Variants in ATG10 observed in about 807,000 individuals in gnomAD.
ATG10 encodes ubiquitin-like-conjugating enzyme ATG10.
ATG10 carries 30 observed loss-of-function variants against 32.1 expected under a neutral mutation model. The observed-to-expected ratio is 0.94, with a 90% confidence interval of 0.70 to 1.27. The LOEUF is 1.27. Ranked by LOEUF, ATG10 falls within the 50% of genes most tolerant of loss-of-function variation. The probability of loss-of-function intolerance (pLI) is 0.00; values close to 1 mark genes in which losing one functional copy is unlikely to be tolerated. For synonymous variants in ATG10, 87 were observed against 91.5 expected (o/e 0.95, Z 0.28); for missense variants, 233 against 262.3 (o/e 0.89, Z 0.77).
chr5:82,048,474 G>A (rs1199946502), intron 2 of ATG10, among the ~76,000 whole-genome samples: 1 of 152,042 alleles, frequency 6.6e-6, no homozygotes, highest in African/African-American at 2.4e-5. Flanking sequence ...TTACCATTCA[G>A]GACATAGGCA....
chr5:82,006,346 C>A (rs550560852), intron 2 of ATG10, among the ~76,000 whole-genome samples: 2 of 152,194 alleles, frequency 1.3e-5, no homozygotes, highest in East Asian at 3.9e-4. Context: ...TGAAACATTT[C>A]AAGCATACAA....
rs565491063 is a variant in ATG10, at chr5:82,085,994, T to G, written c.216+27392T>G. Among the ~76,000 whole-genome samples the G allele has an allele frequency of 2.0e-5, 3 of 152,224 alleles. No individual in the cohort carries two copies. In the South Asian group the frequency reaches 6.2e-4, roughly 32 times the overall value. On this transcript the variant is annotated intron_variant, in intron 3 of 7. Transcript: ENST00000282185. The stretch of plus-strand genomic sequence containing the variant: ...ATAATATTGAATTAAAACAAGAACT[T>G]AAGAATTTTAAATAAACATGTCAGT...
intron 5 of ATG10, among the ~76,000 whole-genome samples, chr5:82,202,749 AAAAC>A (rs1443847491): frequency 6.7e-6 from 1 of 149,194 alleles, no homozygotes; most frequent in African/African-American, 2.6e-5. Flanking sequence ...AAAAGAAAGA[AAAAC>A]AAACAAACAA....
chr5:82,249,845 G>C (rs1222547612), intron 5 of ATG10, among the ~76,000 whole-genome samples: 3 of 152,176 alleles, frequency 2.0e-5, no homozygotes, highest in African/African-American at 7.2e-5. Flanking sequence ...ATGGTCCTAA[G>C]ACTCCTCTAA....
chr5:82,124,162 C>A (rs1216678510), intron 3 of ATG10, among the ~76,000 whole-genome samples: 1 of 150,350 alleles, frequency 6.7e-6, no homozygotes, highest in Non-Finnish European at 1.5e-5. Context: ...TGCCACCACG[C>A]CCGGCTAATT....
rs183948645 is a variant in ATG10, at chr5:82,114,574, G to T, written c.217-49825G>T. Among the ~76,000 whole-genome samples the T allele has an allele frequency of 3.3e-5, 5 of 152,122 alleles. No homozygotes were observed. In the East Asian group the frequency reaches 7.7e-4, roughly 24 times the overall value. ...GGGAACCTAAATAAAATTATTTCAA[G>T]ATTAAAATGAGTTACAAATGAACTT... is the stretch of plus-strand genomic sequence containing the variant. On this transcript the variant is annotated intron_variant, in intron 3 of 7. Transcript: ENST00000282185.
At chr5:81,993,360 C>CTTTTCTTTTCTTTTCTT in intron 2 of ATG10, among the ~76,000 whole-genome samples, 5 of 46,798 alleles carry the variant, frequency 1.1e-4, no homozygotes, top group East Asian at 6.4e-4. Context: ...TCTTTCTTTC[C>CTTTTCTTTTCTTTTCTT]TTCTTTTCTT....
At chr5:82,100,776 T>G (rs1581690485) in intron 3 of ATG10, among the ~76,000 whole-genome samples, 1 of 85,486 alleles carries the variant, frequency 1.2e-5, no homozygotes, top group East Asian at 3.0e-4. Flanking sequence ...GAACTAGTTT[T>G]TTTTTTTTTT....
intron 5 of ATG10, among the ~76,000 whole-genome samples, chr5:82,188,060 T>C (rs1233404310): frequency 1.3e-5 from 2 of 152,372 alleles, no homozygotes; most frequent in African/African-American, 2.4e-5. Context: ...TTAATCTAAA[T>C]AAAATGGGAG....
At chr5:82,219,513 T>C (rs1194770151) in intron 5 of ATG10, among the ~76,000 whole-genome samples, 1 of 152,210 alleles carries the variant, frequency 6.6e-6, no homozygotes, top group East Asian at 1.9e-4. Context: ...AGTCCTCTCA[T>C]ATTAGCCTTG....
At chr5:82,223,834 G>A (rs905459716) in intron 5 of ATG10, among the ~76,000 whole-genome samples, 2 of 152,048 alleles carry the variant, frequency 1.3e-5, no homozygotes. Flanking sequence ...ATTTGAGAAT[G>A]AGAGAGAGAG....
intron 2 of ATG10, chr5:82,009,888 C>T (rs1762081941): frequency 1.9e-6 from 3 of 1,609,990 alleles, no homozygotes; most frequent in South Asian, 1.1e-5. Flanking sequence ...GCCATTATGG[C>T]GTGTGAAGTC....
intron 5 of ATG10, 101 bp downstream of exon 5, chr5:82,178,688 CT>C (rs1358859900): frequency 1.5e-5 from 12 of 790,780 alleles, no homozygotes; most frequent in Non-Finnish European, 2.2e-6. Context: ...CCCTATTTCA[CT>C]TGTCTATATC....
intron 3 of ATG10, among the ~76,000 whole-genome samples, chr5:82,066,926 A>G (rs1763960534): frequency 1.3e-5 from 2 of 152,182 alleles, no homozygotes; most frequent in Admixed American, 1.3e-4. Flanking sequence ...GTAAATGATG[A>G]CTAAGAAGCA....
intron 3 of ATG10, 51 bp from the exon 4 acceptor site, chr5:82,164,348 T>C: frequency 6.4e-7 from 1 of 1,555,992 alleles, no homozygotes; most frequent in South Asian, 1.1e-5. Flanking sequence ...TCCATGTTAG[T>C]ACTTTTCTTA....
chr5:81,977,974 C>T (rs1424356620), intron 1 of ATG10, among the ~76,000 whole-genome samples: 2 of 152,076 alleles, frequency 1.3e-5, no homozygotes, highest in Non-Finnish European at 2.9e-5. Flanking sequence ...TTTTTATTTT[C>T]CAAAATAAAA....
intron 1 of ATG10, 129 bp from the exon 2 acceptor site, chr5:81,987,430 C>G (rs1416958113): frequency 1.6e-6 from 1 of 644,180 alleles, no homozygotes; most frequent in African/African-American, 1.8e-5. Context: ...TGGCCAAAAC[C>G]ATTTTTTAGT....
chr5:82,010,315 A>T (rs1426201926), intron 2 of ATG10, among the ~76,000 whole-genome samples: 1 of 152,136 alleles, frequency 6.6e-6, no homozygotes, highest in Non-Finnish European at 1.5e-5. Flanking sequence ...TCGTTTTGGT[A>T]CCTGTACTCT....
chr5:82,243,825 A>G (rs1381176148), intron 5 of ATG10, among the ~76,000 whole-genome samples: 1 of 152,202 alleles, frequency 6.6e-6, no homozygotes. Flanking sequence ...AGTGTAGCCA[A>G]CACTGAAGAT....
Sources: allele counts gnomAD v4.1 joint callset (sites outside exome capture counted in the v4.1 genomes callset), GRCh38; gene constraint gnomAD v4.1.1; transcripts MANE v1.5; gene names NCBI Gene and HGNC (gene_info 2026-07-23, HGNC 2026-07-21).